The following IL1RAPL2 variants were observed in gnomAD, a reference collection of about 807,000 sequenced individuals.
IL1RAPL2 encodes interleukin 1 receptor accessory protein like 2, also known as X-linked interleukin-1 receptor accessory protein-like 2.
IL1RAPL2 carries 3 observed loss-of-function variants against 44.1 expected under a neutral mutation model. The ratio of observed to expected loss-of-function variants is 0.07; its 90% CI spans 0.03 to 0.18. The LOEUF (loss-of-function observed/expected upper bound fraction) is 0.18. IL1RAPL2 is among the 10% of genes least tolerant of loss of function. The probability of loss-of-function intolerance (pLI) is 1.00; values close to 1 mark genes in which losing one functional copy is unlikely to be tolerated. For synonymous variants in IL1RAPL2, 181 were observed against 178.8 expected, an observed-to-expected ratio of 1.01 and a Z score of -0.10; for missense variants, 391 against 496.4, an observed-to-expected ratio of 0.79 and a Z score of 2.02.
chrX:105,127,909 A>G (rs1569388239), intron 2 of IL1RAPL2, among the ~76,000 whole-genome samples: 2 of 111,395 alleles, frequency 1.8e-5, no homozygotes, highest in South Asian at 3.7e-4. Context: ...AAACAGCCAG[A>G]GTATACATAC....
At chrX:104,950,341 C>A (rs994945302) in intron 2 of IL1RAPL2, among the ~76,000 whole-genome samples, 4 of 112,341 alleles carry the variant, frequency 3.6e-5, no homozygotes, top group Non-Finnish European at 7.5e-5. Context: ...TCTCCAGCTG[C>A]GTGCTGGGAG....
chrX:104,569,119 C>T (rs1479893893), intron 1 of IL1RAPL2, among the ~76,000 whole-genome samples: 1 of 112,524 alleles, frequency 8.9e-6, no homozygotes, highest in Non-Finnish European at 1.9e-5. Context: ...CAGACAGCTG[C>T]AGCCGCTTCT....
chrX:104,586,353 C>A (rs1314539106), intron 1 of IL1RAPL2, among the ~76,000 whole-genome samples: 1 of 111,802 alleles, frequency 8.9e-6, no homozygotes, highest in Non-Finnish European at 1.9e-5. Context: ...ACCTTTGTCA[C>A]ATGCATAGTT....
chrX:105,675,876 G>T (rs1301827899), intron 6 of IL1RAPL2, among the ~76,000 whole-genome samples: 1 of 111,283 alleles, frequency 9.0e-6, no homozygotes, highest in Non-Finnish European at 1.9e-5. Flanking sequence ...ACCTATTCCT[G>T]GTTCAGTCTT....
At position 105,489,859 on chromosome X, in the gene IL1RAPL2, G is replaced by A. The variant is rs374645796; in HGVS notation, c.772+5472G>A. 4.6e-5 allele frequency among the ~76,000 whole-genome samples: 4 copies of A among 86,228 alleles called. No homozygotes were observed. In the East Asian group the frequency reaches 1.6e-3, roughly 35 times the overall value. 74.9% of individuals were successfully genotyped at this position (86,228 alleles called of 115,157 possible). On this transcript the variant is annotated intron_variant, in intron 6 of 10. Transcript: ENST00000372582. ...TCTTTTTTTCTTGAGATGAAGCCTT[G>A]CTCTGTCACACGGGGTAGAGTGCAG...
At chrX:105,615,040 A>G (rs751906165) in intron 6 of IL1RAPL2, among the ~76,000 whole-genome samples, 93 of 112,328 alleles carry the variant, frequency 8.3e-4, no homozygotes, top group African/African-American at 2.9e-3. Flanking sequence ...ACATTTCTCA[A>G]AAGAAGATAT....
chrX:104,665,049 T>A (rs1049560601), intron 2 of IL1RAPL2, among the ~76,000 whole-genome samples: 8 of 111,571 alleles, frequency 7.2e-5, no homozygotes, highest in Non-Finnish European at 1.3e-4. Flanking sequence ...TTAATTTCTT[T>A]TTCTCTGTGG....
chrX:105,042,873 A>G (rs1162768363), intron 2 of IL1RAPL2, among the ~76,000 whole-genome samples: 2 of 108,134 alleles, frequency 1.8e-5, no homozygotes, highest in African/African-American at 3.4e-5. Context: ...TGTGGCACAT[A>G]TACACCATGG....
intron 4 of IL1RAPL2, among the ~76,000 whole-genome samples, chrX:105,243,680 C>A (rs2034195179): frequency 9.6e-6 from 1 of 104,053 alleles, no homozygotes; most frequent in Non-Finnish European, 1.9e-5. Flanking sequence ...ATAGGGTTTT[C>A]TTTTTAACAT....
At chrX:105,108,491 C>A (rs949289638) in intron 2 of IL1RAPL2, among the ~76,000 whole-genome samples, 3 of 52,517 alleles carry the variant, frequency 5.7e-5, no homozygotes, top group African/African-American at 2.2e-4. Context: ...CTACCATGCC[C>A]GGATTTTTTT....
chrX:104,635,316 G>C (rs1304197706), intron 1 of IL1RAPL2, among the ~76,000 whole-genome samples: 2 of 109,641 alleles, frequency 1.8e-5, no homozygotes, highest in Non-Finnish European at 3.8e-5. Flanking sequence ...TGACAATTTT[G>C]TGTCTTGGAG....
chrX:104,889,137 T>A (rs1923344253), intron 2 of IL1RAPL2, among the ~76,000 whole-genome samples: 1 of 110,395 alleles, frequency 9.1e-6, no homozygotes, highest in African/African-American at 3.3e-5. Context: ...CCCCCAAAAG[T>A]CATCATCTCC....
At chrX:105,275,436 G>T (rs1338194754) in intron 5 of IL1RAPL2, among the ~76,000 whole-genome samples, 2 of 111,676 alleles carry the variant, frequency 1.8e-5, no homozygotes, top group African/African-American at 3.3e-5. Flanking sequence ...TGGCATTTAG[G>T]TTATGATTAG....
chrX:104,767,510 G>T (rs1932577179), intron 2 of IL1RAPL2, among the ~76,000 whole-genome samples: 1 of 111,429 alleles, frequency 9.0e-6, no homozygotes, highest in African/African-American at 3.3e-5. Context: ...TAGTATTTTT[G>T]TGTCCTATGA....
At chrX:105,117,352 A>T (rs1419184899) in intron 2 of IL1RAPL2, among the ~76,000 whole-genome samples, 1 of 111,987 alleles carries the variant, frequency 8.9e-6, no homozygotes, top group East Asian at 2.8e-4. Flanking sequence ...TCTCTAAAAC[A>T]TTGTTTTCTT....
intron 2 of IL1RAPL2, among the ~76,000 whole-genome samples, chrX:105,189,104 A>T (rs1448205027): frequency 8.9e-6 from 1 of 112,814 alleles, no homozygotes; most frequent in Non-Finnish European, 1.9e-5. Flanking sequence ...CAACTCCCAC[A>T]TTAAAATATT....
intron 1 of IL1RAPL2, among the ~76,000 whole-genome samples, chrX:104,651,897 A>G (rs1930159800): frequency 9.0e-6 from 1 of 111,648 alleles, no homozygotes; most frequent in South Asian, 3.7e-4. Context: ...GGAGTACTTA[A>G]TGGTCTTTTC....
At chrX:104,591,163 A>G (rs933542058) in intron 1 of IL1RAPL2, among the ~76,000 whole-genome samples, 3 of 111,731 alleles carry the variant, frequency 2.7e-5, no homozygotes, top group Admixed American at 1.9e-4. Flanking sequence ...TTATGAGTTG[A>G]GAGAGCCTGG....
chrX:105,042,023 T>C (rs2031751961), intron 2 of IL1RAPL2, among the ~76,000 whole-genome samples: 1 of 110,975 alleles, frequency 9.0e-6, no homozygotes, highest in Non-Finnish European at 1.9e-5. Flanking sequence ...TGGCTAGCCA[T>C]ATGTAGAAAG....
Sources: gnomAD v4.1 joint callset for allele counts (sites outside exome capture counted in the v4.1 genomes callset) on GRCh38, gnomAD v4.1.1 for gene constraint, MANE v1.5 for transcripts, NCBI Gene and HGNC (gene_info 2026-07-23, HGNC 2026-07-21) for gene names.